The following RIF1 variants were observed in gnomAD, a reference collection of about 807,000 sequenced individuals.
RIF1 encodes the protein replication timing regulatory factor 1.
Under a neutral mutation model 247.1 loss-of-function variants are expected in RIF1, and 45 were observed. The ratio of observed to expected loss-of-function variants is 0.18; its 90% CI spans 0.14 to 0.23. RIF1 has a LOEUF of 0.23. RIF1 is among the 10% of genes least tolerant of loss of function. The pLI, the probability that RIF1 is intolerant of heterozygous loss-of-function variation, is 1.00. For synonymous variants in RIF1, 1,087 were observed against 978.8 expected (o/e 1.11, Z -2.06); for missense variants, 2,967 against 2,862.5 (o/e 1.04, Z -0.83).
intron 9 of RIF1, among the ~76,000 whole-genome samples, chr2:151,430,800 T>G (rs1398385225): frequency 6.6e-6 from 1 of 151,246 alleles, no homozygotes; most frequent in East Asian, 2.0e-4. Flanking sequence ...ACTACAGGCG[T>G]GTGCCACCAT....
At chr2:151,504,705 G>A (rs2067408507) in intron 12 of RIF1, among the ~76,000 whole-genome samples, 2 of 152,148 alleles carry the variant, frequency 1.3e-5, no homozygotes, top group African/African-American at 4.8e-5. Flanking sequence ...TTTGCTAGTA[G>A]CCAACACCTG....
the RIF1 span, among the ~76,000 whole-genome samples, chr2:151,529,743 G>A: frequency 1.3e-5 from 2 of 152,072 alleles, no homozygotes; most frequent in African/African-American, 4.8e-5. Context: ...TGGCCAGGCT[G>A]GTCTCGAACT....
Position 151,462,469 on chromosome 2 carries a change from A to G in RIF1, c.3363+3A>G, listed in dbSNP as rs776036513. On this transcript the variant is annotated splice_donor_region_variant and intron_variant, in intron 29 of 35. Coordinates refer to ENST00000444746, the MANE Select transcript of RIF1 (RefSeq NM_018151.5). ...AGGATTCTAAGATGATGATTACGGT[A>G]TGTTTGACATTTCATATTTTGGGCT... 2 of 1,547,318 alleles carry G rather than the reference A, an allele frequency of 1.3e-6. No individual in the cohort carries two copies. Among genetic ancestry groups the G allele is most frequent in the Admixed American group, 1.8e-5 (1 of 54,112 alleles).
chr2:151,496,832 G>GAAGT (rs2060540133), intron 10 of RIF1: 2 of 1,270,798 alleles, frequency 1.6e-6, no homozygotes, highest in African/African-American at 1.5e-5. Flanking sequence ...GCTAAAGAAA[G>GAAGT]AAGTTCACAA....
intron 28 of RIF1, 31 bp downstream of exon 28, chr2:151,462,353 C>A (rs1696317516): frequency 2.0e-6 from 3 of 1,477,216 alleles, no homozygotes; most frequent in Non-Finnish European, 1.8e-6. Context: ...ACTTTTATAT[C>A]TGTTTTATTC....
In RIF1 at chr2:151,475,427, G is replaced by A; in HGVS notation, c.*356G>A. ...CATGTAAAATACTTTAAGTAAAATT[G>A]AACATTTTTATTTGAATTTTTGCTG... On this transcript the variant is annotated 3_prime_UTR_variant, in exon 36 of 36. Coordinates refer to ENST00000444746, the MANE Select transcript of RIF1 (RefSeq NM_018151.5). 1 of 218,058 alleles carries A rather than the reference G, an allele frequency of 4.6e-6. No individual in the cohort carries two copies. The highest frequency in any genetic ancestry group is 5.3e-5 in the Admixed American group (1 of 18,878). 13.5% of individuals were successfully genotyped at this position (218,058 alleles called of 1,614,324 possible).
chr2:151,474,123 T>C, intron 35 of RIF1, 51 bp downstream of exon 35: 1 of 850,704 alleles, frequency 1.2e-6, no homozygotes. Flanking sequence ...CAGCTGACTT[T>C]CTTGAAATAT....
In RIF1 at chr2:151,441,998, A is replaced by G. The variant is rs982698754; in HGVS notation, c.1734+7A>G. The G allele has an allele frequency of 4.7e-6, 6 of 1,280,916 alleles. No homozygotes were observed. The highest frequency in any genetic ancestry group is 6.5e-6 in the Non-Finnish European group (6 of 920,072). The allele number at this position is 1,280,916 out of a possible 1,614,324, so 79.3% of individuals were successfully genotyped here. A position where few individuals can be genotyped will look rare whatever the true frequency, so the allele number is the denominator to read the frequency against. ...TAATATGGATATTCTTAATGCAAGTATCTTAAATGTAATATGATGAAGATT... is the reference window on the plus strand; with the variant it reads ...TAATATGGATATTCTTAATGCAAGTGTCTTAAATGTAATATGATGAAGATT... On this transcript the variant is annotated splice_region_variant and intron_variant, in intron 16 of 35. Transcript: ENST00000444746.
At chr2:151,435,180 A>C (rs1406179603) in intron 10 of RIF1, among the ~76,000 whole-genome samples, 3 of 152,172 alleles carry the variant, frequency 2.0e-5, no homozygotes, top group Non-Finnish European at 2.9e-5. Flanking sequence ...GTCTGAGTTC[A>C]TGTTTTCCAG....
chr2:151,461,232 A>G lies in RIF1; in HGVS notation c.3170A>G (p.Lys1057Arg). ...TTTGTGTTTATACCTCCAGAAGGAA[A>G]AGATGCAAAGGAAAGAATATTAACT... ...TDFVFIPPEG[K>R]DAKERILTDH... The change falls in exon 27 of 36, where the codon AAA (lysine) becomes AGA (arginine). Residue 1057 changes from lysine to arginine, a missense_variant. Around this residue, in one of 7 missense-constraint regions of RIF1, gnomAD observed 2,028 missense variants for 1,825.6 expected, o/e 1.11. Coordinates refer to ENST00000444746, the MANE Select transcript of RIF1 (RefSeq NM_018151.5). 6.2e-7 allele frequency: 1 copy of G among 1,613,768 alleles called. No individual in the cohort carries two copies. The highest frequency in any genetic ancestry group is 2.2e-5 in the East Asian group (1 of 44,834).
At chr2:151,498,234 T>A in intron 10 of RIF1, 3 of 1,550,412 alleles carry the variant, frequency 1.9e-6, no homozygotes, top group Non-Finnish European at 2.6e-6. Flanking sequence ...TTAAGTGGCA[T>A]TTTTTCCCCT....
At chr2:151,421,628 T>A (rs971632221) in intron 7 of RIF1, among the ~76,000 whole-genome samples, 1 of 152,214 alleles carries the variant, frequency 6.6e-6, no homozygotes, top group Admixed American at 6.5e-5. Context: ...CAAGCTGGTC[T>A]CGAACTCCTG....
rs1321966862 is a variant in RIF1 at position 151,476,333 on chromosome 2, A to C, written c.*1262A>C. ...GTTTTCTTTTTTTAAAGAGGTATGT[A>C]ATTAAAACCTTTGTAAAATTTGCCA... On this transcript the variant is annotated 3_prime_UTR_variant, in exon 36 of 36. Transcript: ENST00000444746. 6.6e-6 allele frequency: 1 copy of C among 152,146 alleles called. No individual in the cohort carries two copies. Among genetic ancestry groups the C allele is most frequent in the African/African-American group, 2.4e-5 (1 of 41,450 alleles). The allele number at this position is 152,146 out of a possible 1,614,324, so 9.4% of individuals were successfully genotyped here.
In RIF1 at chr2:151,464,806, A is replaced by C; in HGVS notation, c.5286A>C (p.Thr1762=). 10 of 1,613,890 alleles carry C rather than the reference A, an allele frequency of 6.2e-6. No individual in the cohort carries two copies. The highest frequency in any genetic ancestry group is 8.5e-6 in the Non-Finnish European group (10 of 1,179,902). ...ATAATGACGTAGAGATTAGTGAAAC[A>C]AAAAAGGCAGATGTGCAAGCACCTG... ...TENNDVEISE[T]KKADVQAPVS... Residue 1762 remains threonine (T), a synonymous_variant, in exon 30 of 36, where the codon ACA becomes ACC. Coordinates refer to ENST00000444746, the MANE Select transcript of RIF1 (RefSeq NM_018151.5).
intron 7 of RIF1, 133 bp from the exon 8 acceptor site, chr2:151,422,817 T>G: frequency 3.7e-6 from 2 of 543,970 alleles, no homozygotes; most frequent in East Asian, 3.5e-5. Context: ...GCACCTGGCC[T>G]TGGGTGGGGT....
chr2:151,437,784 A>AT (rs1691515440), intron 13 of RIF1, among the ~76,000 whole-genome samples: 1 of 152,208 alleles, frequency 6.6e-6, no homozygotes, highest in Non-Finnish European at 1.5e-5. Flanking sequence ...TATTCATTTA[A>AT]TTTTCGCAGT....
rs1443777775 is a variant in RIF1 at position 151,498,072 on chromosome 2, G to GTAAA, written c.*514-1270_*514-1267dup. 150 of 1,459,786 alleles carry GTAAA rather than the reference G, an allele frequency of 1.0e-4. No individual in the cohort carries two copies. The East Asian group carries it at 3.7e-3, about 36-fold the overall frequency. 90.4% of individuals were successfully genotyped at this position (1,459,786 alleles called of 1,614,324 possible). A position where few individuals can be genotyped will look rare whatever the true frequency, so the allele number is the denominator to read the frequency against. The stretch of plus-strand genomic sequence containing the variant: ...CATTATTTTTAAAACATGTTTGTTT[G>GTAAA]TAAATATCAGATGAAGTAAAAAATT... On this transcript the variant is annotated intron_variant and NMD_transcript_variant, in intron 10 of 13. Coordinates refer to the RIF1 transcript ENST00000454583.
chr2:151,465,583 T>G lies in RIF1; in HGVS notation c.6063T>G (p.Asn2021Lys). The change falls in exon 30 of 36, where the codon AAT (asparagine) becomes AAG (lysine). Residue 2021 changes from asparagine (N) to lysine (K), a missense_variant. Physicochemically the swap from Asn to Lys is moderately conservative, Grantham distance 94. This residue lies in a region of RIF1 where 2,028 missense variants were observed against 1,825.6 expected (regional missense o/e 1.11). Coordinates refer to ENST00000444746, the MANE Select transcript of RIF1 (RefSeq NM_018151.5). ...AAACGAATACCAAAATGAAAAATAA[T>G]GAAGAAATGATGATCGGCGAGGCAA... ...SEETNTKMKN[N>K]EEMMIGEAMA... 1 of 1,613,772 alleles carries G rather than the reference T, an allele frequency of 6.2e-7. No individual in the cohort carries two copies. Among genetic ancestry groups the G allele is most frequent in the Non-Finnish European group, 8.5e-7 (1 of 1,179,870 alleles).
At chr2:151,466,803 A>G (rs1696976491) in intron 30 of RIF1, among the ~76,000 whole-genome samples, 1 of 152,290 alleles carries the variant, frequency 6.6e-6, no homozygotes, top group Admixed American at 6.5e-5. Context: ...CTGAAAAGGT[A>G]TGATGTTGGC....
Sources: gnomAD v4.1 joint callset for allele counts (sites outside exome capture counted in the v4.1 genomes callset) on GRCh38, gnomAD v4.1.1 for gene constraint, gnomAD v4.1.1 regional missense constraint, MANE v1.5 for transcripts, NCBI Gene and HGNC (gene_info 2026-07-23, HGNC 2026-07-21) for gene names.